Variants in PRELID2 observed in about 807,000 individuals in gnomAD.
PRELID2 encodes PRELI domain containing 2.
In PRELID2, 25 loss-of-function variants were observed where a neutral mutation model predicts 28.4. The observed-to-expected ratio is 0.88, with a 90% CI of 0.64 to 1.23. The LOEUF (loss-of-function observed/expected upper bound fraction) is 1.23. PRELID2 is among the 50% of genes most tolerant of loss of function. The probability of loss-of-function intolerance (pLI) is 0.00; values close to 1 mark genes in which losing one functional copy is unlikely to be tolerated. For synonymous variants in PRELID2, 76 were observed against 71.6 expected (o/e 1.06, Z -0.31); for missense variants, 201 against 214.4 (o/e 0.94, Z 0.39).
At chr5:145,782,499 C>T (rs190688884) in intron 5 of PRELID2, among the ~76,000 whole-genome samples, 158 of 152,292 alleles carry the variant, frequency 1.0e-3, no homozygotes, top group Non-Finnish European at 1.8e-3. Flanking sequence ...ATGGTAAACA[C>T]TCAATAAATT....
chr5:145,700,710 C>G (rs1464962634), intron 1 of PRELID2, among the ~76,000 whole-genome samples: 1 of 152,184 alleles, frequency 6.6e-6, no homozygotes, highest in East Asian at 1.9e-4. Context: ...TTCGTCTCGG[C>G]CCTGGGGATC....
intron 1 of PRELID2, among the ~76,000 whole-genome samples, chr5:145,543,212 CT>C (rs1235556428): frequency 2.6e-5 from 4 of 152,228 alleles, no homozygotes; most frequent in Non-Finnish European, 2.9e-5. Context: ...CTAGGATGTA[CT>C]CTCCATGAGG....
the PRELID2 span, among the ~76,000 whole-genome samples, chr5:145,248,102 T>TA: frequency 6.6e-6 from 1 of 152,058 alleles, no homozygotes; most frequent in Non-Finnish European, 1.5e-5. Flanking sequence ...TAATAAAATA[T>TA]AAAATAGCTA....
At chr5:145,726,613 G>A (rs749109813) in intron 1 of PRELID2, among the ~76,000 whole-genome samples, 25 of 152,216 alleles carry the variant, frequency 1.6e-4, no homozygotes, top group Non-Finnish European at 2.5e-4. Flanking sequence ...TTTAGGACCA[G>A]GATCAGGAAG....
chr5:145,461,452 G>A, the PRELID2 span, among the ~76,000 whole-genome samples: 705 of 152,088 alleles, frequency 4.6e-3, 5 homozygotes, highest in African/African-American at 0.016. Context: ...ACAGGCACCC[G>A]CCACCACACC....
In PRELID2 at chr5:145,758,402, C is replaced by T. The variant is rs542863824; in HGVS notation, c.*2134G>A. ...AATACCTAAAAGTCACTGTAGTGTT[C>T]TTAGCTGCCCACTGGAACTACCAAA... On this transcript the variant is annotated 3_prime_UTR_variant, in exon 7 of 7. Coordinates refer to ENST00000683046, the MANE Select transcript of PRELID2 (RefSeq NM_205846.3). Among the ~76,000 whole-genome samples the T allele has an allele frequency of 2.6e-5, 4 of 152,194 alleles. No homozygotes were observed. The South Asian group carries it at 8.3e-4, about 32-fold the overall frequency.
intron 1 of PRELID2, among the ~76,000 whole-genome samples, chr5:145,554,228 A>G (rs1263170856): frequency 1.3e-5 from 2 of 152,202 alleles, no homozygotes; most frequent in Non-Finnish European, 2.9e-5. Flanking sequence ...CTAGAACCCC[A>G]AAAAACACTA....
intron 1 of PRELID2, chr5:145,825,954 G>A (rs575422111): frequency 2.3e-6 from 2 of 888,718 alleles, no homozygotes; most frequent in East Asian, 2.4e-4. Flanking sequence ...AGAAAAAGTT[G>A]AAAGAGGGAA....
At chr5:145,564,242 A>G (rs923198961) in intron 1 of PRELID2, among the ~76,000 whole-genome samples, 7 of 152,224 alleles carry the variant, frequency 4.6e-5, no homozygotes, top group Non-Finnish European at 1.0e-4. Flanking sequence ...GCAAACATCC[A>G]ATGGCTTCAC....
the PRELID2 span, among the ~76,000 whole-genome samples, chr5:145,366,463 A>C: frequency 6.6e-6 from 1 of 152,024 alleles, no homozygotes; most frequent in African/African-American, 2.4e-5. Flanking sequence ...CCCCCAAATA[A>C]GCTAAATGAC....
intron 1 of PRELID2, among the ~76,000 whole-genome samples, chr5:145,741,953 T>TTAATTATAA (rs1185397919): frequency 2.0e-4 from 1 of 4,938 alleles, no homozygotes; most frequent in African/African-American, 3.5e-4. Flanking sequence ...ATAAATTTAT[T>TTAATTATAA]ATAATTAAAT....
the PRELID2 span, among the ~76,000 whole-genome samples, chr5:145,384,952 G>T: frequency 6.6e-6 from 1 of 152,214 alleles, no homozygotes; most frequent in East Asian, 1.9e-4. Flanking sequence ...ATTTCAACAT[G>T]AGATTTTGGG....
intron 1 of PRELID2, among the ~76,000 whole-genome samples, chr5:145,642,366 GTTT>G (rs1385097777): frequency 6.6e-6 from 1 of 152,050 alleles, no homozygotes; most frequent in Non-Finnish European, 1.5e-5. Context: ...GGGGTTGTTT[GTTT>G]TTTACTTGTA....
At chr5:145,409,843 G>GCATAGC in the PRELID2 span, among the ~76,000 whole-genome samples, 3 of 151,736 alleles carry the variant, frequency 2.0e-5, no homozygotes, top group East Asian at 3.9e-4. Flanking sequence ...AAAAGTGCCT[G>GCATAGC]CATAGCCAAA....
the PRELID2 span, chr5:145,440,816 AC>A: frequency 6.6e-6 from 1 of 152,026 alleles, no homozygotes; most frequent in African/African-American, 2.4e-5. Context: ...TGTTTCAGAA[AC>A]TTTTAATGAA....
chr5:145,776,439 G>A (rs1236254375), intron 5 of PRELID2, among the ~76,000 whole-genome samples: 2 of 147,372 alleles, frequency 1.4e-5, no homozygotes, highest in African/African-American at 2.5e-5. Context: ...TCCTGTAAGT[G>A]AAAAGGTGAA....
intron 1 of PRELID2, among the ~76,000 whole-genome samples, chr5:145,495,784 G>C (rs1023962196): frequency 1.3e-5 from 2 of 152,154 alleles, no homozygotes; most frequent in African/African-American, 2.4e-5. Context: ...ACTTTGCTGG[G>C]ATGGTAGGTT....
At chr5:145,647,234 G>T (rs1188409524) in intron 1 of PRELID2, among the ~76,000 whole-genome samples, 1 of 152,178 alleles carries the variant, frequency 6.6e-6, no homozygotes, top group Non-Finnish European at 1.5e-5. Context: ...AATCTAGGGA[G>T]GCAGTCTGGC....
chr5:145,652,533 G>A (rs10062578), intron 1 of PRELID2, among the ~76,000 whole-genome samples: 3 of 152,104 alleles, frequency 2.0e-5, no homozygotes, highest in Non-Finnish European at 4.4e-5. Context: ...GGAAGCCCAT[G>A]AGACTAACAG....
Sources: allele counts gnomAD v4.1 joint callset (sites outside exome capture counted in the v4.1 genomes callset), GRCh38; gene constraint gnomAD v4.1.1; transcripts MANE v1.5; gene names NCBI Gene and HGNC (gene_info 2026-07-23, HGNC 2026-07-21).